PTPRT: variants seen among roughly 807,000 people sequenced by gnomAD.
The protein encoded by PTPRT is protein tyrosine phosphatase receptor type T.
In PTPRT, 56 loss-of-function variants were observed where a neutral mutation model predicts 176.8. The ratio of observed to expected loss-of-function variants is 0.32; its 90% CI spans 0.26 to 0.40. The LOEUF (loss-of-function observed/expected upper bound fraction) is 0.40, where lower values mean the gene tolerates loss of function less well. Among genes scored for constraint, PTPRT ranks in the 10% least tolerant of loss-of-function variants. The pLI is 1.00. For synonymous variants in PTPRT, 783 were observed against 739.0 expected (o/e 1.06, Z -0.96); for missense variants, 1,540 against 1,908.2 (o/e 0.81, Z 3.60).
chr20:42,615,814 T>C (rs1375886564), intron 7 of PTPRT, among the ~76,000 whole-genome samples: 3 of 112,478 alleles, frequency 2.7e-5, no homozygotes, highest in African/African-American at 5.0e-5. Flanking sequence ...TTTGTTTGAG[T>C]TCATTGTAGA....
intron 1 of PTPRT, among the ~76,000 whole-genome samples, chr20:43,034,891 G>A (rs1986311314): frequency 6.6e-6 from 1 of 151,738 alleles, no homozygotes; most frequent in Admixed American, 6.6e-5. Flanking sequence ...CACAACGCCT[G>A]CCTTCACCCC....
In PTPRT at chr20:42,809,688, C is replaced by T. The variant is rs560608587; in HGVS notation, c.215-18222G>A. On this transcript the variant is annotated intron_variant, in intron 2 of 30. Coordinates refer to ENST00000373187, the MANE Select transcript of PTPRT (RefSeq NM_007050.6). Reference sequence around the variant, plus strand: ...GGTGGTGTCTGGTGCTCCCTGAGGTCGTCTCTGCCTCTGTTTTCACATGGT... The same window carrying T: ...GGTGGTGTCTGGTGCTCCCTGAGGTTGTCTCTGCCTCTGTTTTCACATGGT... 3.9e-5 allele frequency among the ~76,000 whole-genome samples: 6 copies of T among 152,196 alleles called. 1 individual carries two copies. The highest frequency in any genetic ancestry group is 1.4e-4 in the African/African-American group (6 of 41,520).
intron 8 of PTPRT, among the ~76,000 whole-genome samples, chr20:42,460,236 T>C (rs1052568874): frequency 2.6e-5 from 4 of 152,268 alleles, no homozygotes; most frequent in Admixed American, 2.6e-4. Context: ...GCCGGGAGAC[T>C]AGAAGAAATA....
intron 1 of PTPRT, among the ~76,000 whole-genome samples, chr20:43,088,306 A>G (rs1364805373): frequency 6.7e-6 from 1 of 149,490 alleles, no homozygotes; most frequent in Admixed American, 6.7e-5. Context: ...AAAATGTTAT[A>G]TTGTGTTAGG....
At chr20:42,500,658 A>T (rs1367142131) in intron 7 of PTPRT, among the ~76,000 whole-genome samples, 16 of 151,864 alleles carry the variant, frequency 1.1e-4, no homozygotes. Context: ...TCCCTTCCTC[A>T]CTTTCCCTTG....
intron 7 of PTPRT, among the ~76,000 whole-genome samples, chr20:42,616,949 G>T (rs1364802117): frequency 7.6e-6 from 1 of 131,548 alleles, no homozygotes; most frequent in Non-Finnish European, 1.6e-5. Flanking sequence ...CTGCCTCATT[G>T]CCCTGGCCAG....
chr20:42,312,803 T>TA (rs1491327397), intron 12 of PTPRT, among the ~76,000 whole-genome samples: 1 of 4,672 alleles, frequency 2.1e-4, no homozygotes, highest in African/African-American at 1.0e-3. Flanking sequence ...AGTGAGATCC[T>TA]TTTTTTTTTT....
intron 7 of PTPRT, among the ~76,000 whole-genome samples, chr20:42,641,559 A>G (rs1209149179): frequency 1.3e-5 from 2 of 152,004 alleles, no homozygotes; most frequent in Non-Finnish European, 2.9e-5. Context: ...GACTTTGGAA[A>G]AGTCCCTCTA....
rs148434404 is a variant in PTPRT, at chr20:42,954,747, T to G, written c.89-68815A>C. 1.9e-3 allele frequency among the ~76,000 whole-genome samples: 292 copies of G among 152,232 alleles called. 2 individuals carry two copies. The highest frequency in any genetic ancestry group is 6.7e-3 in the African/African-American group (280 of 41,546). ...CTAGAGAGGCTACCATATCTCTAATTTGACCTGAGCTGAGCAATATATCCA... is the reference window on the plus strand; with the variant it reads ...CTAGAGAGGCTACCATATCTCTAATGTGACCTGAGCTGAGCAATATATCCA... On this transcript the variant is annotated intron_variant, in intron 1 of 30. Coordinates refer to ENST00000373187, the MANE Select transcript of PTPRT (RefSeq NM_007050.6).
intron 2 of PTPRT, among the ~76,000 whole-genome samples, chr20:42,875,918 A>G (rs531010340): frequency 6.6e-6 from 1 of 152,348 alleles, no homozygotes; most frequent in East Asian, 1.9e-4. Flanking sequence ...GGACTGTTGC[A>G]AAGATTAAAT....
chr20:43,139,036 A>C (rs958242335), intron 1 of PTPRT, among the ~76,000 whole-genome samples: 1 of 152,246 alleles, frequency 6.6e-6, no homozygotes, highest in Non-Finnish European at 1.5e-5. Context: ...TCTACTATGA[A>C]GCCCTAATGA....
At chr20:42,870,385 A>C (rs1272260752) in intron 2 of PTPRT, among the ~76,000 whole-genome samples, 1 of 152,120 alleles carries the variant, frequency 6.6e-6, no homozygotes, top group East Asian at 1.9e-4. Context: ...CGTATACCAC[A>C]TTTTCTTTAT....
intron 1 of PTPRT, among the ~76,000 whole-genome samples, chr20:43,176,422 G>A (rs1278366788): frequency 6.6e-6 from 1 of 152,248 alleles, no homozygotes; most frequent in Admixed American, 6.5e-5. Context: ...TAACTGAAAT[G>A]CAGAAATATT....
At chr20:43,125,194 T>G (rs115984808) in intron 1 of PTPRT, among the ~76,000 whole-genome samples, 114 of 151,558 alleles carry the variant, frequency 7.5e-4, no homozygotes, top group African/African-American at 2.8e-3. Context: ...GAAATGAGGT[T>G]TCATCATGTT....
intron 9 of PTPRT, among the ~76,000 whole-genome samples, chr20:42,432,443 C>T (rs7267810): frequency 0.42 from 64,217 of 152,084 alleles, 15,208 homozygotes; most frequent in East Asian, 0.54. Flanking sequence ...ACTGAACGGA[C>T]GCCTTCTTGG....
the PTPRT span, among the ~76,000 whole-genome samples, chr20:42,050,924 A>G: frequency 6.6e-6 from 1 of 152,238 alleles, no homozygotes. Context: ...ATTTATGAAA[A>G]TAGCCCTCCC....
intron 6 of PTPRT, among the ~76,000 whole-genome samples, chr20:42,714,511 A>G (rs979220852): frequency 6.6e-6 from 1 of 152,222 alleles, no homozygotes; most frequent in African/African-American, 2.4e-5. Context: ...GCAGACAAAA[A>G]GGTGATTTCA....
chr20:42,644,856 C>T (rs2145944449), intron 7 of PTPRT, among the ~76,000 whole-genome samples: 1 of 152,276 alleles, frequency 6.6e-6, no homozygotes. Context: ...ATGTATTGCA[C>T]AGATTACTAA....
intron 6 of PTPRT, among the ~76,000 whole-genome samples, chr20:42,709,244 C>A (rs748179485): frequency 6.6e-6 from 1 of 152,166 alleles, no homozygotes; most frequent in Non-Finnish European, 1.5e-5. Flanking sequence ...CAGTGTGTTA[C>A]GGATGTTTGT....
Sources: gnomAD v4.1 joint callset for allele counts (sites outside exome capture counted in the v4.1 genomes callset) on GRCh38, gnomAD v4.1.1 for gene constraint, MANE v1.5 for transcripts, NCBI Gene and HGNC (gene_info 2026-07-23, HGNC 2026-07-21) for gene names.